TNFSF14: variants seen among roughly 807,000 people sequenced by gnomAD.
TNFSF14 encodes the protein TNF superfamily member 14, also known as tumor necrosis factor ligand superfamily member 14.
TNFSF14 carries 15 observed loss-of-function variants against 22.7 expected under a neutral mutation model. The observed-to-expected ratio is 0.66, with a 90% CI of 0.44 to 1.02. The LOEUF is 1.02. TNFSF14 is among the 50% of genes least tolerant of loss of function. The pLI is 0.00. For missense variants in TNFSF14, 287 were observed against 326.2 expected (o/e 0.88, Z 0.93); for synonymous variants, 133 against 139.6 (o/e 0.95, Z 0.33).
chr19:6,666,391 T>G (rs1917428086), intron 3 of TNFSF14, among the ~76,000 whole-genome samples: 2 of 77,548 alleles, frequency 2.6e-5, no homozygotes, highest in African/African-American at 1.1e-4. Context: ...AGTAAGACCC[T>G]GTCTCAAAAA....
At chr19:6,670,255 G>T, upstream of TNFSF14, 2 of 1,434,940 alleles carry the variant, frequency 1.4e-6, no homozygotes, top group Non-Finnish European at 1.8e-6. Context: ...CGCCGCCCCC[G>T]GTCTTGGCCC....
chr19:6,665,567 C>T (rs1469563275), intron 3 of TNFSF14, among the ~76,000 whole-genome samples: 5 of 152,120 alleles, frequency 3.3e-5, no homozygotes, highest in African/African-American at 9.7e-5. Flanking sequence ...CGCCACCGCA[C>T]CCAGTTACTT....
At chr19:6,667,334 T>C (rs1917460543) in intron 2 of TNFSF14, 79 bp downstream of exon 2, 1 of 1,484,440 alleles carries the variant, frequency 6.7e-7, no homozygotes. Context: ...GTGCAAATCA[T>C]ATTGGGCAAT....
At chr19:6,669,270 G>A (rs992844558) in intron 1 of TNFSF14, among the ~76,000 whole-genome samples, 1 of 152,124 alleles carries the variant, frequency 6.6e-6, no homozygotes, top group Non-Finnish European at 1.5e-5. Context: ...GATCTCCTGA[G>A]GTCGGGAGTT....
chr19:6,665,784 C>T lies in TNFSF14; in HGVS notation c.299-434G>A, dbSNP rs1024999629. 9.5e-4 allele frequency among the ~76,000 whole-genome samples: 133 copies of T among 140,672 alleles called. 1 individual carries two copies. Among genetic ancestry groups the T allele is most frequent in the Middle Eastern group, 3.7e-3 (1 of 270 alleles). 92.3% of individuals were successfully genotyped at this position (140,672 alleles called of 152,430 possible). On this transcript the variant is annotated intron_variant, in intron 3 of 3. Transcript: ENST00000675206. ...GTTTGTGTGTGTGTGTGCATGTGTG[C>T]GTGTGTGTGTGTGTGTGTGTGTGTG...
chr19:6,666,553 G>A (rs1485650310), intron 3 of TNFSF14, among the ~76,000 whole-genome samples: 2 of 152,122 alleles, frequency 1.3e-5, no homozygotes, highest in African/African-American at 2.4e-5. Context: ...TGTAGAAAGC[G>A]TGTCACAGCA....
Position 6,667,442 on chromosome 19 carries a change from G to A in TNFSF14, c.227C>T (p.Pro76Leu). 3 of 1,563,616 alleles carry A rather than the reference G, an allele frequency of 1.9e-6. No homozygotes were observed. The highest frequency in any genetic ancestry group is 2.4e-5 in the East Asian group (1 of 41,614). ...TATCAGCTGCTCCCAGGAGCCTGCA[G>A]GTCCGTCCTGAAAATGCAGAAGGGG... Reference protein sequence around the residue: ...GEMVTRLPDGPAGSWEQLIQE... With the variant: ...GEMVTRLPDGLAGSWEQLIQE... The change falls in exon 2 of 4, where the codon CCT becomes CTT. Residue 76 changes from proline to leucine, a missense_variant. Transcript: ENST00000675206.
intron 1 of TNFSF14, among the ~76,000 whole-genome samples, chr19:6,668,309 G>A (rs985120889): frequency 2.0e-5 from 3 of 152,106 alleles, no homozygotes; most frequent in Admixed American, 1.3e-4. Flanking sequence ...GCTGCAGTGA[G>A]CTATGATCGT....
intron 3 of TNFSF14, among the ~76,000 whole-genome samples, chr19:6,666,042 T>C (rs1031628199): frequency 5.3e-5 from 8 of 152,024 alleles, no homozygotes; most frequent in Non-Finnish European, 1.0e-4. Context: ...ACTCTTTGCA[T>C]CCCTCTTTTG....
At position 6,667,398 on chromosome 19, in the gene TNFSF14, A is replaced by G. The variant is rs745992354; in HGVS notation, c.256+15T>C. On this transcript the variant is annotated intron_variant, in intron 2 of 3. Transcript: ENST00000675206. ...TCATCACACCTCCTTCCCTGGGGCC[A>G]GGACCCTGACTCACCTTGTATCAGC... is the stretch of plus-strand genomic sequence containing the variant. 7 of 1,540,526 alleles carry G rather than the reference A, an allele frequency of 4.5e-6. No individual in the cohort carries two copies. The highest frequency in any genetic ancestry group is 6.1e-6 in the Non-Finnish European group (7 of 1,150,974).
intron 3 of TNFSF14, 43 bp downstream of exon 3, chr19:6,667,070 G>T: frequency 6.2e-7 from 1 of 1,607,554 alleles, no homozygotes; most frequent in Non-Finnish European, 8.5e-7. Context: ...TTCCCGAGAC[G>T]CCCTGACCCC....
At chr19:6,669,778 A>T in intron 1 of TNFSF14, 73 bp downstream of exon 1, 2 of 1,575,990 alleles carry the variant, frequency 1.3e-6, no homozygotes, top group South Asian at 2.3e-5. Context: ...ACACACAGAC[A>T]CACAGTGACC....
intron 1 of TNFSF14, among the ~76,000 whole-genome samples, chr19:6,668,584 T>C (rs1917496087): frequency 6.6e-6 from 1 of 152,028 alleles, no homozygotes; most frequent in Non-Finnish European, 1.5e-5. Flanking sequence ...CGGATGCCTG[T>C]GATCCCAGCT....
In TNFSF14 at chr19:6,665,325, G is replaced by A. The variant is rs183886666; in HGVS notation, c.324C>T (p.Ser108=). The change falls in exon 4 of 4, where the codon AGC becomes AGT. Residue 108 remains serine (S), a synonymous_variant. Transcript: ENST00000675206. The part of the protein sequence containing the change: ...LTGANSSLTG[S]GGPLLWETQL... ...GAGTCTCCCATAACAGCGGCCCCCC[G>A]CTGCCGGTCAAGCTGGAGTTGGCCC... The A allele has an allele frequency of 6.4e-5, 102 of 1,594,330 alleles. No homozygotes were observed. In the East Asian group the frequency reaches 1.0e-3, roughly 16 times the overall value.
rs1917562517 is a variant in TNFSF14 at position 6,670,120 on chromosome 19, AG to A, written c.-52del. ...ACACGCCTGGGTCCTTCAACCTCAG[AG>A]GAAACCGAAATTGCTCAACACTCCT... is the stretch of plus-strand genomic sequence containing the variant. On this transcript the variant is annotated 5_prime_UTR_variant, in exon 1 of 4. Transcript: ENST00000675206. 1 of 1,599,002 alleles carries A rather than the reference AG, an allele frequency of 6.3e-7. No individual in the cohort carries two copies. The highest frequency in any genetic ancestry group is 8.6e-7 in the Non-Finnish European group (1 of 1,168,294).
Position 6,662,946 on chromosome 19 carries a change from A to G in TNFSF14, c.*1980T>C, listed in dbSNP as rs1365838731. 6.6e-6 allele frequency: 1 copy of G among 152,198 alleles called. No homozygotes were observed. The highest frequency in any genetic ancestry group is 1.5e-5 in the Non-Finnish European group (1 of 68,048). The allele number at this position is 152,198 out of a possible 1,614,324, so 9.4% of individuals were successfully genotyped here. On this transcript the variant is annotated 3_prime_UTR_variant, in exon 4 of 4. Coordinates refer to ENST00000675206, the MANE Select transcript of TNFSF14 (RefSeq NM_001376887.1). ...CACATTTCCTGCATGGACTTGAGCC[A>G]ACTGGGTCCAGGTTCCTCATCTGTA...
At position 6,665,350 on chromosome 19, in the gene TNFSF14, C is replaced by G. The variant is rs755412166; in HGVS notation, c.299G>C (p.Gly100Ala). 8 of 1,563,246 alleles carry G rather than the reference C, an allele frequency of 5.1e-6. No individual in the cohort carries two copies. In the Admixed American group the frequency reaches 5.8e-5, roughly 11 times the overall value. ...HEVNPAAHLT[G>A]ANSSLTGSGG... ...GCTGCCGGTCAAGCTGGAGTTGGCC[C>G]CTGTTGGGAAGAGAGAGACAAAGGG... The change falls in exon 4 of 4, where the codon GGG (glycine) becomes GCG (alanine). Residue 100 changes from glycine to alanine, a missense_variant and splice_region_variant. Gly to Ala is a moderately conservative substitution (Grantham distance 60). Transcript: ENST00000675206.
rs187562945 is a variant in TNFSF14 at position 6,666,003 on chromosome 19, G to A, written c.299-653C>T. 9.4e-3 allele frequency among the ~76,000 whole-genome samples: 1,438 copies of A among 152,212 alleles called. 9 individuals are homozygous for A. Among genetic ancestry groups the A allele is most frequent in the Non-Finnish European group, 0.014 (923 of 68,004 alleles). ...AGGAGGGAAACTGAGGCACAGGGAA[G>A]CAAATTAACTTGCTTAGTCTATATC... On this transcript the variant is annotated intron_variant, in intron 3 of 3. Transcript: ENST00000675206.
rs1377950072 is a variant in TNFSF14, at chr19:6,667,259, C to T, written c.257-105G>A. ...CTCCTGGAATCAACCCCACCCCTTC[C>T]GGAGTGACCCAAACTTCTGCTTCTC... On this transcript the variant is annotated intron_variant, in intron 2 of 3. Transcript: ENST00000675206. The T allele has an allele frequency of 7.8e-5, 113 of 1,440,424 alleles. 1 individual carries two copies. The South Asian group carries it at 1.1e-3, about 14-fold the overall frequency. The allele number at this position is 1,440,424 out of a possible 1,614,324, so 89.2% of individuals were successfully genotyped here. A position where few individuals can be genotyped will look rare whatever the true frequency, so the allele number is the denominator to read the frequency against.
Sources: allele counts gnomAD v4.1 joint callset (sites outside exome capture counted in the v4.1 genomes callset), GRCh38; gene constraint gnomAD v4.1.1; transcripts MANE v1.5; gene names NCBI Gene and HGNC (gene_info 2026-07-23, HGNC 2026-07-21).